GABRR2: variants seen among roughly 807,000 people sequenced by gnomAD.
GABRR2 encodes gamma-aminobutyric acid type A receptor subunit rho2.
In GABRR2, 36 loss-of-function variants were observed where a neutral mutation model predicts 47.0. That is an observed-to-expected ratio of 0.77 (90% confidence interval 0.59 to 1.01). The LOEUF (loss-of-function observed/expected upper bound fraction) is 1.01, where lower values mean the gene tolerates loss of function less well. Among genes scored for constraint, GABRR2 ranks in the 50% least tolerant of loss-of-function variants. GABRR2 has a pLI of 0.00. For missense variants in GABRR2, 587 were observed against 594.6 expected, an observed-to-expected ratio of 0.99 and a Z score of 0.13; for synonymous variants, 204 against 227.5, an observed-to-expected ratio of 0.90 and a Z score of 0.93.
At chr6:89,290,844 C>T (rs1274500760) in intron 2 of GABRR2, among the ~76,000 whole-genome samples, 1 of 152,190 alleles carries the variant, frequency 6.6e-6, no homozygotes. Flanking sequence ...GCGGCTTTTT[C>T]CAAGAGCTAC....
rs576313648 is a variant in GABRR2 at position 89,263,167 on chromosome 6, A to C, written c.1086+1245T>G. 2.6e-5 allele frequency among the ~76,000 whole-genome samples: 4 copies of C among 152,268 alleles called. No individual in the cohort carries two copies. The East Asian group carries it at 7.7e-4, about 29-fold the overall frequency. The stretch of plus-strand genomic sequence containing the variant: ...TCTCTTTCGTCCTCCTCCTCAGCCT[A>C]CTCAGAGTGAAGATGACCAGGATGA... On this transcript the variant is annotated intron_variant, in intron 8 of 8. Transcript: ENST00000402938.
chr6:89,295,696 C>A (rs1020068719), intron 2 of GABRR2, among the ~76,000 whole-genome samples: 3 of 151,870 alleles, frequency 2.0e-5, no homozygotes, highest in Non-Finnish European at 2.9e-5. Flanking sequence ...ACATGAAGTC[C>A]TTGCCCATGC....
rs1355759377 is a variant in GABRR2 at position 89,255,994 on chromosome 6, T to C, written c.*1676A>G. Among the ~76,000 whole-genome samples the C allele has an allele frequency of 6.6e-6, 1 of 151,898 alleles. No individual in the cohort carries two copies. Among genetic ancestry groups the C allele is most frequent in the East Asian group, 1.9e-4 (1 of 5,204 alleles). On this transcript the variant is annotated 3_prime_UTR_variant, in exon 9 of 9. Coordinates refer to ENST00000402938, the MANE Select transcript of GABRR2 (RefSeq NM_002043.5). Reference sequence around the variant, plus strand: ...GGCTTGATCACAGCTCACGGCAGCCTGGAATTCCTGGGCTCAAGCAATCCT... The same window carrying C: ...GGCTTGATCACAGCTCACGGCAGCCCGGAATTCCTGGGCTCAAGCAATCCT...
At chr6:89,293,437 G>A (rs1394511001) in intron 2 of GABRR2, among the ~76,000 whole-genome samples, 1 of 152,054 alleles carries the variant, frequency 6.6e-6, no homozygotes, top group African/African-American at 2.4e-5. Context: ...ACTCAAAAAT[G>A]GTCAAAAGGG....
chr6:89,290,859 C>A (rs1774427620), intron 2 of GABRR2, among the ~76,000 whole-genome samples: 1 of 152,154 alleles, frequency 6.6e-6, no homozygotes. Context: ...AGCTACAGCT[C>A]TTTTCCAGGC....
intron 3 of GABRR2, among the ~76,000 whole-genome samples, chr6:89,270,918 A>G (rs968034871): frequency 1.3e-5 from 2 of 152,254 alleles, no homozygotes; most frequent in African/African-American, 4.8e-5. Flanking sequence ...ATAAATATCT[A>G]GCACAATTAT....
rs755457930 is a variant in GABRR2 at position 89,315,257 on chromosome 6, TC to T, written c.-93del. ...CTTGACCATTGATCCATCTGCTGCC[TC>T]CTGACGGGCTGCTCTGAGGGGCTGT... On this transcript the variant is annotated 5_prime_UTR_variant, in exon 1 of 9. Transcript: ENST00000402938. 2 of 1,597,826 alleles carry T rather than the reference TC, an allele frequency of 1.3e-6. No individual in the cohort carries two copies. Among genetic ancestry groups the T allele is most frequent in the Non-Finnish European group, 8.5e-7 (1 of 1,170,652 alleles).
intron 2 of GABRR2, among the ~76,000 whole-genome samples, chr6:89,278,262 G>T (rs1433429039): frequency 6.6e-6 from 1 of 152,200 alleles, no homozygotes; most frequent in African/African-American, 2.4e-5. Context: ...AGTGAAGGAA[G>T]TAATGGCCAA....
intron 2 of GABRR2, among the ~76,000 whole-genome samples, chr6:89,278,520 A>G (rs1272864415): frequency 1.3e-5 from 2 of 152,234 alleles, no homozygotes; most frequent in Non-Finnish European, 2.9e-5. Context: ...CTTGTCTGAG[A>G]AGGTGAGGCT....
At chr6:89,261,654 C>T (rs567529492) in intron 8 of GABRR2, among the ~76,000 whole-genome samples, 10 of 152,308 alleles carry the variant, frequency 6.6e-5, no homozygotes, top group Admixed American at 3.9e-4. Context: ...CACACCCCTG[C>T]GCTTAAAGAA....
At chr6:89,313,748 C>G (rs1245508269) in intron 1 of GABRR2, among the ~76,000 whole-genome samples, 1 of 152,144 alleles carries the variant, frequency 6.6e-6, no homozygotes, top group Non-Finnish European at 1.5e-5. Flanking sequence ...GAAACCCTGT[C>G]TCTACTAAAA....
At chr6:89,287,584 G>T (rs1036937136) in intron 2 of GABRR2, among the ~76,000 whole-genome samples, 1 of 152,226 alleles carries the variant, frequency 6.6e-6, no homozygotes, top group Non-Finnish European at 1.5e-5. Flanking sequence ...CGCTGGCCAG[G>T]CTGCGCTAAA....
intron 2 of GABRR2, among the ~76,000 whole-genome samples, chr6:89,282,062 A>G (rs1283881880): frequency 6.6e-6 from 1 of 150,578 alleles, no homozygotes; most frequent in African/African-American, 2.4e-5. Context: ...CTGCATCACT[A>G]CTCCTTCCTC....
intron 1 of GABRR2, among the ~76,000 whole-genome samples, chr6:89,308,034 C>T (rs1767601077): frequency 6.6e-6 from 1 of 152,078 alleles, no homozygotes; most frequent in African/African-American, 2.4e-5. Flanking sequence ...AGGCTGGTCT[C>T]GAACTCCTGC....
At chr6:89,295,189 A>G (rs1016007676) in intron 2 of GABRR2, among the ~76,000 whole-genome samples, 22 of 152,168 alleles carry the variant, frequency 1.4e-4, no homozygotes, top group Non-Finnish European at 2.6e-4. Context: ...TGGTATTTCT[A>G]GTTCTAGATC....
At chr6:89,290,443 C>G (rs754029043) in intron 2 of GABRR2, among the ~76,000 whole-genome samples, 4 of 152,206 alleles carry the variant, frequency 2.6e-5, no homozygotes, top group Non-Finnish European at 4.4e-5. Context: ...CAGCAGTGCC[C>G]TCAGGGGCTC....
At chr6:89,259,903 T>G (rs546648869) in intron 8 of GABRR2, among the ~76,000 whole-genome samples, 5 of 150,578 alleles carry the variant, frequency 3.3e-5, no homozygotes, top group African/African-American at 1.2e-4. Flanking sequence ...TTTTTTGTTT[T>G]TTTTGTTTTT....
In GABRR2 at chr6:89,265,836, C is replaced by T. The variant is rs982249902; in HGVS notation, c.737-71G>A. On this transcript the variant is annotated intron_variant, in intron 6 of 8. Coordinates refer to ENST00000402938, the MANE Select transcript of GABRR2 (RefSeq NM_002043.5). ...AAAGCAAACTGTGTCCCTGGGAACCCGTCTTTCACTGACTTGGCTCTCCTC... is the reference window on the plus strand; with the variant it reads ...AAAGCAAACTGTGTCCCTGGGAACCTGTCTTTCACTGACTTGGCTCTCCTC... The T allele has an allele frequency of 4.3e-5, 64 of 1,489,064 alleles. No homozygotes were observed. The African/African-American group carries it at 5.1e-4, about 12-fold the overall frequency. The allele number at this position is 1,489,064 out of a possible 1,614,324, so 92.2% of individuals were successfully genotyped here. A position where few individuals can be genotyped will look rare whatever the true frequency, so the allele number is the denominator to read the frequency against.
intron 2 of GABRR2, among the ~76,000 whole-genome samples, chr6:89,277,975 G>GT (rs1391994319): frequency 2.0e-5 from 3 of 152,138 alleles, no homozygotes; most frequent in Non-Finnish European, 4.4e-5. Context: ...TTCGAGAAAT[G>GT]TATGTGAATG....
Sources: allele counts gnomAD v4.1 joint callset (sites outside exome capture counted in the v4.1 genomes callset), GRCh38; gene constraint gnomAD v4.1.1; transcripts MANE v1.5; gene names NCBI Gene and HGNC (gene_info 2026-07-23, HGNC 2026-07-21).